The following ACACA variants were observed in gnomAD, a reference collection of about 807,000 sequenced individuals.
ACACA encodes the protein acetyl-CoA carboxylase alpha.
In ACACA, 103 loss-of-function variants were observed where a neutral mutation model predicts 296.1. The observed-to-expected ratio is 0.35, with a 90% CI of 0.30 to 0.41. The LOEUF (loss-of-function observed/expected upper bound fraction) is 0.41. ACACA is among the 10% of genes least tolerant of loss of function. ACACA has a pLI of 1.00. For missense variants in ACACA, 1,554 were observed against 2,989.7 expected, an observed-to-expected ratio of 0.52 and a Z score of 11.20; for synonymous variants, 953 against 1,038.6, an observed-to-expected ratio of 0.92 and a Z score of 1.58.
chr17:37,247,706 G>A (rs2080784272), intron 18 of ACACA, among the ~76,000 whole-genome samples: 1 of 152,136 alleles, frequency 6.6e-6, no homozygotes, highest in Admixed American at 6.5e-5. Flanking sequence ...GTATGTACAT[G>A]AGTGTAACTT....
At position 37,363,161 on chromosome 17, in the gene ACACA, TTTTCTC is replaced by T. The variant is rs1406647173; in HGVS notation, c.39-23317_39-23312del. ...GCCACCACACCTGGTTGACTTTTTC[TTTTCTC>T]TTTCTCTTTTTCTTTTTTTTTTTTT... On this transcript the variant is annotated intron_variant, in intron 1 of 55. Transcript: ENST00000616317. 5.5e-3 allele frequency among the ~76,000 whole-genome samples: 810 copies of T among 148,026 alleles called. 5 individuals carry two copies. The highest frequency in any genetic ancestry group is 0.019 in the African/African-American group (764 of 39,974).
chr17:37,159,120 G>A (rs2076366262), intron 42 of ACACA, among the ~76,000 whole-genome samples: 1 of 151,882 alleles, frequency 6.6e-6, no homozygotes, highest in Admixed American at 6.6e-5. Context: ...GGCAGATACA[G>A]TAGGCTATGA....
At position 37,224,994 on chromosome 17, in the gene ACACA, G is replaced by GC; in HGVS notation, c.3471dup (p.Gln1158AlafsTer12). On this transcript the variant is annotated frameshift_variant, in exon 27 of 56. Transcript: ENST00000616317. LOFTEE classifies it high-confidence loss of function. ...TATATATATATATATATATATACCT[G>GC]CAGGTTCTCAATGCAAAATTGATGT... The GC allele has an allele frequency of 6.9e-7, 1 of 1,445,462 alleles. No homozygotes were observed. Among genetic ancestry groups the GC allele is most frequent in the Non-Finnish European group, 9.7e-7 (1 of 1,031,776 alleles). 89.5% of individuals were successfully genotyped at this position (1,445,462 alleles called of 1,614,324 possible).
chr17:37,277,858 C>A, intron 6 of ACACA, 38 bp downstream of exon 6: 1 of 1,510,614 alleles, frequency 6.6e-7, no homozygotes, highest in Admixed American at 1.7e-5. Context: ...TATAAAATGG[C>A]TGAATTTGGT....
chr17:37,377,583 C>A (rs1568074343), intron 1 of ACACA, among the ~76,000 whole-genome samples: 1 of 151,888 alleles, frequency 6.6e-6, no homozygotes, highest in Non-Finnish European at 1.5e-5. Context: ...TCCCTTGAAC[C>A]CAGGAGGTGA....
intron 1 of ACACA, among the ~76,000 whole-genome samples, chr17:37,395,834 C>T (rs1044572960): frequency 2.0e-5 from 3 of 152,080 alleles, no homozygotes; most frequent in Non-Finnish European, 4.4e-5. Context: ...CGAGCCACCG[C>T]GCCTAGGCTG....
At chr17:37,142,801 C>A (rs1365689608) in intron 45 of ACACA, among the ~76,000 whole-genome samples, 1 of 152,196 alleles carries the variant, frequency 6.6e-6, no homozygotes. Flanking sequence ...TTGATTGTTG[C>A]TAGATACATC....
chr17:37,273,444 T>C (rs2082149327), intron 9 of ACACA, among the ~76,000 whole-genome samples: 1 of 152,210 alleles, frequency 6.6e-6, no homozygotes, highest in African/African-American at 2.4e-5. Flanking sequence ...CTTTCAGTCT[T>C]TCTTGGTTCA....
At chr17:37,223,714 C>A in intron 27 of ACACA, 113 bp from the exon 28 acceptor site, 1 of 777,636 alleles carries the variant, frequency 1.3e-6, no homozygotes, top group Non-Finnish European at 2.3e-6. Context: ...TCTCTGAATG[C>A]CATAATCTCT....
intron 10 of ACACA, among the ~76,000 whole-genome samples, chr17:37,265,512 G>C (rs1417329661): frequency 6.6e-6 from 1 of 152,090 alleles, no homozygotes; most frequent in East Asian, 1.9e-4. Context: ...CAAAGACCTG[G>C]GAACTAAGAA....
chr17:37,129,314 C>T (rs561351353), intron 47 of ACACA, 51 bp downstream of exon 47: 46 of 1,609,476 alleles, frequency 2.9e-5, no homozygotes, highest in South Asian at 9.9e-5. Context: ...TTGAAAAGAA[C>T]GCTAAAAGCT....
chr17:37,125,954 A>T (rs2074764030), intron 47 of ACACA, among the ~76,000 whole-genome samples, 160 bp from the exon 48 acceptor site: 1 of 152,222 alleles, frequency 6.6e-6, no homozygotes, highest in Non-Finnish European at 1.5e-5. Flanking sequence ...CTGAATGTTC[A>T]TCTGCCTTCA....
intron 45 of ACACA, among the ~76,000 whole-genome samples, chr17:37,146,333 G>A (rs879605686): frequency 2.6e-4 from 40 of 151,682 alleles, no homozygotes; most frequent in Admixed American, 4.6e-4. Context: ...ATCTATTAAA[G>A]GAAGAAACAA....
At chr17:37,170,919 G>A (rs2076858762) in intron 41 of ACACA, among the ~76,000 whole-genome samples, 3 of 152,120 alleles carry the variant, frequency 2.0e-5, no homozygotes, top group Admixed American at 1.3e-4. Flanking sequence ...AAAAGCTAAG[G>A]GCAAAACATG....
chr17:37,271,476 T>C (rs946457981), intron 9 of ACACA, among the ~76,000 whole-genome samples: 1 of 150,754 alleles, frequency 6.6e-6, no homozygotes, highest in Non-Finnish European at 1.5e-5. Context: ...GATCACGCCA[T>C]TGCACTCCAG....
intron 41 of ACACA, among the ~76,000 whole-genome samples, chr17:37,174,020 A>ATATATATATATTTTTTTTT (rs552735515): frequency 1.2e-4 from 2 of 16,794 alleles, no homozygotes; most frequent in African/African-American, 5.1e-4. Context: ...ATATATATAT[A>ATATATATATATTTTTTTTT]TTTTTTTTTT....
At chr17:37,174,317 G>A (rs1261219905) in intron 41 of ACACA, among the ~76,000 whole-genome samples, 1 of 151,410 alleles carries the variant, frequency 6.6e-6, no homozygotes, top group Non-Finnish European at 1.5e-5. Context: ...ACTAGGTAAA[G>A]GCTACTATAC....
In ACACA at chr17:37,339,845, A is replaced by G. The variant is rs1252211823; in HGVS notation, c.44T>C (p.Phe15Ser). ...TGTCTGAGTAGATATCCACTTCCAA[A>G]AAGACCTAGAGAGAAAGAGAAAGAT... Reference protein sequence around the residue: ...TLMSILRARSFWKWISTQTVR... With the variant: ...TLMSILRARSSWKWISTQTVR... Residue 15 changes from phenylalanine (F) to serine (S), a missense_variant, in exon 2 of 56, where the codon TTT becomes TCT. By Grantham distance (155) the Phe-to-Ser change is radical (BLOSUM62 -2). This residue lies in a region of ACACA where 140 missense variants were observed against 147.7 expected (regional missense o/e 0.95). Coordinates refer to ENST00000616317, the MANE Select transcript of ACACA (RefSeq NM_198834.3). 2.3e-6 allele frequency: 3 copies of G among 1,311,300 alleles called. No homozygotes were observed. The African/African-American group carries it at 5.3e-5, about 23-fold the overall frequency. 81.2% of individuals were successfully genotyped at this position (1,311,300 alleles called of 1,614,324 possible).
chr17:37,161,678 A>G (rs755919370), intron 42 of ACACA, 103 bp downstream of exon 42: 1 of 1,367,630 alleles, frequency 7.3e-7, no homozygotes, highest in South Asian at 1.3e-5. Flanking sequence ...TTTTTACCAT[A>G]AGTGGTGATT....
Sources: gnomAD v4.1 joint callset for allele counts (sites outside exome capture counted in the v4.1 genomes callset) on GRCh38, gnomAD v4.1.1 for gene constraint, gnomAD v4.1.1 regional missense constraint, MANE v1.5 for transcripts, NCBI Gene and HGNC (gene_info 2026-07-23, HGNC 2026-07-21) for gene names.